CORO2B: variants seen among roughly 807,000 people sequenced by gnomAD.
CORO2B encodes coronin-2B.
Under a neutral mutation model 58.8 loss-of-function variants are expected in CORO2B, and 26 were observed. The ratio of observed to expected loss-of-function variants is 0.44; its 90% CI spans 0.32 to 0.61. The LOEUF is 0.61. Ranked by LOEUF, CORO2B falls within the 20% of genes least tolerant of loss-of-function variation. The probability of loss-of-function intolerance (pLI) is 0.04; values close to 1 mark genes in which losing one functional copy is unlikely to be tolerated. For missense variants in CORO2B, 460 were observed against 645.1 expected (o/e 0.71, Z 3.11); for synonymous variants, 242 against 253.8 (o/e 0.95, Z 0.44).
the CORO2B span, among the ~76,000 whole-genome samples, chr15:68,560,691 C>A: frequency 6.6e-6 from 1 of 152,206 alleles, no homozygotes; most frequent in Non-Finnish European, 1.5e-5. Context: ...ACCCATCTTC[C>A]TCCTCTCTGC....
intron 1 of CORO2B, chr15:68,616,651 A>T (rs1258863283): frequency 7.2e-6 from 7 of 977,850 alleles, no homozygotes; most frequent in Non-Finnish European, 8.5e-6. Context: ...GCCCCAGCGC[A>T]AGCAGGCAAT....
the CORO2B span, among the ~76,000 whole-genome samples, chr15:68,533,849 TGGG>T: frequency 6.6e-6 from 1 of 152,194 alleles, no homozygotes; most frequent in South Asian, 2.1e-4. Flanking sequence ...AATCAAAGGG[TGGG>T]GACCTTTCTG....
At chr15:68,646,641 G>A (rs1302242891) in intron 2 of CORO2B, among the ~76,000 whole-genome samples, 4 of 152,168 alleles carry the variant, frequency 2.6e-5, no homozygotes, top group Non-Finnish European at 5.9e-5. Context: ...ACTTGGGACC[G>A]TGTGCATGTC....
chr15:68,633,389 A>G (rs1566990567), intron 1 of CORO2B, among the ~76,000 whole-genome samples: 3 of 152,142 alleles, frequency 2.0e-5, no homozygotes, highest in East Asian at 3.8e-4. Context: ...ACAAAAACCC[A>G]TTGATTTCCT....
At chr15:68,533,629 T>C in the CORO2B span, among the ~76,000 whole-genome samples, 1 of 152,210 alleles carries the variant, frequency 6.6e-6, no homozygotes, top group South Asian at 2.1e-4. Context: ...CTGGGCCTCC[T>C]TGGGCAGGGG....
At chr15:68,580,736 G>T (rs1487905548) in intron 1 of CORO2B, among the ~76,000 whole-genome samples, 1 of 152,132 alleles carries the variant, frequency 6.6e-6, no homozygotes. Flanking sequence ...ATGCAAGCAG[G>T]CTGGGACAGA....
chr15:68,545,619 G>T, the CORO2B span, among the ~76,000 whole-genome samples: 1 of 147,032 alleles, frequency 6.8e-6, no homozygotes, highest in Non-Finnish European at 1.5e-5. Flanking sequence ...GGGCGGGGGG[G>T]GTAATACTGG....
chr15:68,531,684 A>C, the CORO2B span, among the ~76,000 whole-genome samples: 1 of 152,012 alleles, frequency 6.6e-6, no homozygotes, highest in Admixed American at 6.6e-5. Flanking sequence ...AAGGAAAGAA[A>C]GAAAGAACTT....
chr15:68,539,979 G>A, the CORO2B span, among the ~76,000 whole-genome samples: 1 of 152,200 alleles, frequency 6.6e-6, no homozygotes, highest in Non-Finnish European at 1.5e-5. Flanking sequence ...TTGAAAAAGG[G>A]AGGAGTATTT....
chr15:68,623,596 G>A (rs1900587216), intron 1 of CORO2B, among the ~76,000 whole-genome samples: 1 of 152,178 alleles, frequency 6.6e-6, no homozygotes, highest in Non-Finnish European at 1.5e-5. Flanking sequence ...GGGCAGTGCG[G>A]TTGACTCCTG....
chr15:68,677,456 G>A (rs1346539106), intron 2 of CORO2B, among the ~76,000 whole-genome samples: 2 of 152,212 alleles, frequency 1.3e-5, no homozygotes, highest in African/African-American at 4.8e-5. Context: ...CTAAGGACAA[G>A]GGCCCCTCTC....
chr15:68,672,274 C>T (rs11072037), intron 2 of CORO2B, among the ~76,000 whole-genome samples: 94,184 of 151,662 alleles, frequency 0.62, 30,890 homozygotes, highest in East Asian at 0.85. Flanking sequence ...CTCACTCTGT[C>T]GCCCAGGCTG....
At position 68,665,683 on chromosome 15, in the gene CORO2B, G is replaced by A. The variant is rs144487767; in HGVS notation, c.216+20323G>A. ...AGCTCTTATTCATTTCTTGTTACAC[G>A]TATTTACCTTTTTTATTGTATTATA... On this transcript the variant is annotated intron_variant, in intron 2 of 11. Transcript: ENST00000261861. Among the ~76,000 whole-genome samples, 57 of 151,944 alleles carry A rather than the reference G, an allele frequency of 3.8e-4. 1 individual carries two copies. The highest frequency in any genetic ancestry group is 1.3e-3 in the African/African-American group (54 of 41,464).
chr15:68,531,488 C>A, the CORO2B span, among the ~76,000 whole-genome samples: 2 of 137,140 alleles, frequency 1.5e-5, no homozygotes, highest in African/African-American at 2.8e-5. Context: ...AAGAGGGAAA[C>A]TGTATCTCAA....
In CORO2B at chr15:68,640,080, C is replaced by A. The variant is rs147255248; in HGVS notation, c.16-5080C>A. Among the ~76,000 whole-genome samples, 504 of 152,276 alleles carry A rather than the reference C, an allele frequency of 3.3e-3. 5 individuals are homozygous for A. Among genetic ancestry groups the A allele is most frequent in the African/African-American group, 0.011 (474 of 41,558 alleles). On this transcript the variant is annotated intron_variant, in intron 1 of 11. Transcript: ENST00000261861. ...AGGAGTCTTTTCTGTTCCCTGCCTG[C>A]GCACCCATGCATCTGACCTCACAGT...
At chr15:68,592,485 G>A (rs1312827790) in intron 1 of CORO2B, among the ~76,000 whole-genome samples, 2 of 152,004 alleles carry the variant, frequency 1.3e-5, no homozygotes, top group African/African-American at 4.8e-5. Context: ...GAGTGATGGC[G>A]GTTACATGAA....
intron 8 of CORO2B, among the ~76,000 whole-genome samples, chr15:68,718,215 C>T (rs751171026): frequency 2.6e-5 from 4 of 152,224 alleles, no homozygotes; most frequent in Non-Finnish European, 5.9e-5. Flanking sequence ...CAATCTTAGG[C>T]TGCGTCCAGA....
the CORO2B span, among the ~76,000 whole-genome samples, chr15:68,553,191 A>G: frequency 6.6e-6 from 1 of 152,162 alleles, no homozygotes; most frequent in Non-Finnish European, 1.5e-5. Flanking sequence ...TGTTTGGGAG[A>G]AAGAGGGGTG....
the CORO2B span, among the ~76,000 whole-genome samples, chr15:68,525,494 G>A: frequency 1.3e-5 from 2 of 152,280 alleles, no homozygotes; most frequent in African/African-American, 4.8e-5. Context: ...AAGCTAACTC[G>A]ATTCTTGACA....
Sources: gnomAD v4.1 joint callset for allele counts (sites outside exome capture counted in the v4.1 genomes callset) on GRCh38, gnomAD v4.1.1 for gene constraint, MANE v1.5 for transcripts, NCBI Gene and HGNC (gene_info 2026-07-23, HGNC 2026-07-21) for gene names.